The following ABCA6 variants were observed in gnomAD, a reference collection of about 807,000 sequenced individuals.
ABCA6 encodes the protein ATP binding cassette subfamily A member 6.
ABCA6 carries 164 observed loss-of-function variants against 191.2 expected under a neutral mutation model. The observed-to-expected ratio is 0.86, with a 90% CI of 0.76 to 0.98. The LOEUF (loss-of-function observed/expected upper bound fraction) is 0.98, where lower values mean the gene tolerates loss of function less well. ABCA6 is among the 50% of genes least tolerant of loss of function. The pLI is 0.00. For missense variants in ABCA6, 1,958 were observed against 1,894.1 expected, an observed-to-expected ratio of 1.03 and a Z score of -0.63; for synonymous variants, 636 against 647.7, an observed-to-expected ratio of 0.98 and a Z score of 0.27.
At chr17:69,080,326 A>AGG (rs1457256781) in intron 37 of ABCA6, among the ~76,000 whole-genome samples, 8 of 152,182 alleles carry the variant, frequency 5.3e-5, no homozygotes, top group African/African-American at 1.9e-4. Context: ...TGAGTACCTC[A>AGG]CCCAACGTCA....
chr17:69,125,392 A>G (rs139079859), intron 8 of ABCA6, among the ~76,000 whole-genome samples: 1 of 152,116 alleles, frequency 6.6e-6, no homozygotes, highest in East Asian at 1.9e-4. Flanking sequence ...CTTTAATTAG[A>G]TAAAAAGAGA....
chr17:69,110,663 T>G, intron 17 of ABCA6, 138 bp downstream of exon 17: 1 of 961,814 alleles, frequency 1.0e-6, no homozygotes, highest in South Asian at 1.8e-5. Context: ...TGGCACTCAA[T>G]CCTTCCTCTT....
chr17:69,140,565 G>T, intron 2 of ABCA6, 43 bp downstream of exon 2: 1 of 1,296,012 alleles, frequency 7.7e-7, no homozygotes, highest in Non-Finnish European at 1.1e-6. Flanking sequence ...ATGAAACACT[G>T]TAAGAGTGCT....
At chr17:69,113,889 G>T in intron 13 of ABCA6, 152 bp from the exon 14 acceptor site, 2 of 582,652 alleles carry the variant, frequency 3.4e-6, no homozygotes, top group Non-Finnish European at 5.8e-6. Context: ...AGTTAGTATG[G>T]CGATCATTAA....
intron 22 of ABCA6, among the ~76,000 whole-genome samples, chr17:69,100,471 A>G (rs2144645662): frequency 6.6e-6 from 1 of 152,326 alleles, no homozygotes; most frequent in East Asian, 1.9e-4. Context: ...AACCAGGGTT[A>G]CAAGTTCTCC....
Position 69,128,618 on chromosome 17 carries a change from C to A in ABCA6, c.1119+1G>T. The stretch of plus-strand genomic sequence containing the variant: ...AATAAACCAATTAACTAGGCTCTTA[C>A]CTGAATCATTCCAGTAGTAAAGGCA... On this transcript the variant is annotated splice_donor_variant, in intron 8 of 38. Transcript: ENST00000284425. LOFTEE classifies it high-confidence loss of function. The A allele has an allele frequency of 6.2e-7, 1 of 1,607,958 alleles. No individual in the cohort carries two copies. Among genetic ancestry groups the A allele is most frequent in the Non-Finnish European group, 8.5e-7 (1 of 1,176,586 alleles).
At chr17:69,114,290 C>T (rs2073491949) in intron 13 of ABCA6, among the ~76,000 whole-genome samples, 1 of 151,794 alleles carries the variant, frequency 6.6e-6, no homozygotes, top group Non-Finnish European at 1.5e-5. Context: ...TGGAAACCAT[C>T]ATTCTCAGCA....
At chr17:69,116,769 G>A (rs570214500) in intron 11 of ABCA6, among the ~76,000 whole-genome samples, 1 of 152,164 alleles carries the variant, frequency 6.6e-6, no homozygotes, top group African/African-American at 2.4e-5. Context: ...CCATGAGGAA[G>A]GAAGAGGAGG....
rs751297791 is a variant in ABCA6 at position 69,085,071 on chromosome 17, C to T, written c.4141G>A (p.Val1381Ile). The change falls in exon 32 of 39, where the codon GTC (valine) becomes ATC (isoleucine). Residue 1381 changes from valine to isoleucine, a missense_variant. Transcript: ENST00000284425. Reference sequence around the variant, plus strand: ...GCGTCCGCTTTCCTGAGCCCCTTGACGGCAGCATACACCTCCAGGTGTTCC... The same window carrying T: ...GCGTCCGCTTTCCTGAGCCCCTTGATGGCAGCATACACCTCCAGGTGTTCC... ...LREHLEVYAA[V>I]KGLRKADARL... 7 of 1,613,446 alleles carry T rather than the reference C, an allele frequency of 4.3e-6. No individual in the cohort carries two copies. Among genetic ancestry groups the T allele is most frequent in the African/African-American group, 1.3e-5 (1 of 74,878 alleles).
At chr17:69,133,326 G>A (rs753807252) in intron 6 of ABCA6, among the ~76,000 whole-genome samples, 15 of 152,244 alleles carry the variant, frequency 9.9e-5, no homozygotes, top group Middle Eastern at 3.4e-3. Context: ...TCTCAGCTCC[G>A]GCACTCACCC....
chr17:69,106,030 G>C lies in ABCA6; in HGVS notation c.2571C>G (p.Thr857=), dbSNP rs764093440. 7 of 1,604,574 alleles carry C rather than the reference G, an allele frequency of 4.4e-6. No individual in the cohort carries two copies. In the East Asian group the frequency reaches 9.0e-5, roughly 21 times the overall value. The part of the protein sequence containing the change: ...KLKRQTKVLL[T]LLLVFGIAIF... Reference sequence around the variant, plus strand: ...AACCACAGTACTCTCCTACTCACAGGGTCAATAACACTTTAGTTTGACGTT... The same window carrying C: ...AACCACAGTACTCTCCTACTCACAGCGTCAATAACACTTTAGTTTGACGTT... The change falls in exon 19 of 39, where the codon ACC becomes ACG. Residue 857 remains threonine (T), a splice_region_variant and synonymous_variant. Transcript: ENST00000284425.
chr17:69,123,893 A>T (rs532692453), intron 9 of ABCA6, among the ~76,000 whole-genome samples: 58 of 152,030 alleles, frequency 3.8e-4, no homozygotes, highest in Non-Finnish European at 6.8e-4. Context: ...GATTTGTATC[A>T]CCCAATAAAC....
intron 29 of ABCA6, 25 bp downstream of exon 29, chr17:69,087,328 T>C (rs774777364): frequency 4.4e-6 from 7 of 1,607,550 alleles, no homozygotes; most frequent in Middle Eastern, 1.7e-4. Context: ...TCCATTAATA[T>C]CCATTTTGCC....
chr17:69,136,818 T>C (rs1043442831), intron 3 of ABCA6, among the ~76,000 whole-genome samples: 3 of 152,178 alleles, frequency 2.0e-5, no homozygotes, highest in Non-Finnish European at 4.4e-5. Context: ...ATAAAGACTT[T>C]TAAAGATGTT....
At chr17:69,122,554 TC>T (rs2073668844) in intron 10 of ABCA6, among the ~76,000 whole-genome samples, 1 of 152,072 alleles carries the variant, frequency 6.6e-6, no homozygotes, top group South Asian at 2.1e-4. Context: ...TACTCATTTT[TC>T]CAAGAGTACA....
rs200521730 is a variant in ABCA6 at position 69,106,067 on chromosome 17, A to G, written c.2534T>C (p.Phe845Ser). ...MQVFAMARLR[F>S]LKLKRQTKVL... ...TTTAGTTTGACGTTTTAACTTTAAG[A>G]AACGGAGCCGTGCCATGGCAAAGAC... Residue 845 changes from phenylalanine to serine, a missense_variant, in exon 19 of 39, where the codon TTC becomes TCC. Physicochemically the swap from Phe to Ser is radical, Grantham distance 155. Coordinates refer to ENST00000284425, the MANE Select transcript of ABCA6 (RefSeq NM_080284.3). 2.0e-5 allele frequency: 33 copies of G among 1,613,234 alleles called. 1 individual carries two copies. In the South Asian group the frequency reaches 3.5e-4, roughly 17 times the overall value.
chr17:69,128,487 C>T (rs2073796186), intron 8 of ABCA6, 132 bp downstream of exon 8: 1 of 564,152 alleles, frequency 1.8e-6, no homozygotes, highest in Non-Finnish European at 2.7e-6. Context: ...GTAATAATAA[C>T]ATTTTAAAGC....
intron 25 of ABCA6, 131 bp downstream of exon 25, chr17:69,096,109 T>C: frequency 2.6e-6 from 1 of 385,286 alleles, no homozygotes; most frequent in Non-Finnish European, 4.6e-6. Flanking sequence ...TACACTTCCC[T>C]CTCTTTTCTA....
At chr17:69,106,356 A>G (rs9303011) in intron 18 of ABCA6, 145 bp from the exon 19 acceptor site, 705,346 of 741,380 alleles carry the variant, frequency 0.95, 335,787 homozygotes, top group East Asian at 1. Context: ...ACTCTGGGAG[A>G]CCAAGGTGGG....
Sources: gnomAD v4.1 joint callset for allele counts (sites outside exome capture counted in the v4.1 genomes callset) on GRCh38, gnomAD v4.1.1 for gene constraint, MANE v1.5 for transcripts, NCBI Gene and HGNC (gene_info 2026-07-23, HGNC 2026-07-21) for gene names.